The following FAF1 variants were observed in gnomAD, a reference collection of about 807,000 sequenced individuals.
FAF1 encodes Fas associated factor 1.
Under a neutral mutation model 92.5 loss-of-function variants are expected in FAF1, and 25 were observed. The observed-to-expected ratio is 0.27, with a 90% CI of 0.20 to 0.38. FAF1 has a LOEUF of 0.38. Among genes scored for constraint, FAF1 ranks in the 10% least tolerant of loss-of-function variants. FAF1 has a pLI of 1.00. For missense variants in FAF1, 636 were observed against 793.3 expected (o/e 0.80, Z 2.38); for synonymous variants, 234 against 273.2 (o/e 0.86, Z 1.42).
intron 1 of FAF1, among the ~76,000 whole-genome samples, chr1:50,866,625 T>C (rs1296465509): frequency 6.6e-6 from 1 of 151,974 alleles, no homozygotes; most frequent in Non-Finnish European, 1.5e-5. Flanking sequence ...ACCTTAGGAA[T>C]ATACTTAACC....
rs200308640 is a variant in FAF1 at position 50,883,140 on chromosome 1, C to CAAAT, written c.46-25147_46-25144dup. On this transcript the variant is annotated intron_variant, in intron 1 of 18. Coordinates refer to ENST00000396153, the MANE Select transcript of FAF1 (RefSeq NM_007051.3). ...CTATTTACGCACCTAGGATGCAATTCAAATGCCTAAGTGTCCAAAACAACA... is the reference window on the plus strand; with the variant it reads ...CTATTTACGCACCTAGGATGCAATTCAAATAAATGCCTAAGTGTCCAAAACAACA... 1.3e-3 allele frequency among the ~76,000 whole-genome samples: 198 copies of CAAAT among 152,116 alleles called. 3 individuals are homozygous for CAAAT. The East Asian group carries it at 0.033, about 25-fold the overall frequency.
chr1:50,662,499 G>A (rs1051016185), intron 7 of FAF1, among the ~76,000 whole-genome samples: 6 of 151,914 alleles, frequency 3.9e-5, no homozygotes, highest in Non-Finnish European at 8.8e-5. Context: ...AGTTGGAGAC[G>A]GATTTTGGCC....
chr1:50,707,784 T>A (rs971910459), intron 6 of FAF1, among the ~76,000 whole-genome samples: 4 of 152,144 alleles, frequency 2.6e-5, no homozygotes. Flanking sequence ...TACAGATATT[T>A]ATTGCATAAT....
chr1:50,815,516 G>A (rs1257109974), intron 2 of FAF1, among the ~76,000 whole-genome samples: 1 of 152,136 alleles, frequency 6.6e-6, no homozygotes, highest in Non-Finnish European at 1.5e-5. Flanking sequence ...ATACTGCTGT[G>A]ATGAACACAT....
chr1:50,523,932 G>A (rs770459140), intron 15 of FAF1, among the ~76,000 whole-genome samples: 2 of 152,158 alleles, frequency 1.3e-5, no homozygotes, highest in Non-Finnish European at 1.5e-5. Context: ...TGAGTCGAAT[G>A]GCATTTCTGC....
intron 11 of FAF1, 50 bp from the exon 12 acceptor site, chr1:50,582,749 C>T: frequency 8.7e-7 from 1 of 1,150,752 alleles, no homozygotes; most frequent in Admixed American, 1.7e-5. Context: ...AAATTCACTT[C>T]AGATTTCACA....
At chr1:50,624,133 C>T (rs1405225877) in intron 8 of FAF1, among the ~76,000 whole-genome samples, 1 of 152,086 alleles carries the variant, frequency 6.6e-6, no homozygotes, top group African/African-American at 2.4e-5. Context: ...ATGACTAGTC[C>T]TAGTCCAGAC....
intron 1 of FAF1, among the ~76,000 whole-genome samples, chr1:50,882,600 TTAAATAAA>T (rs60244087): frequency 0.26 from 35,879 of 140,330 alleles, 4,636 homozygotes; most frequent in African/African-American, 0.27. Flanking sequence ...AGACTCTGTC[TTAAATAAA>T]TAAATAAATA....
At position 50,485,268 on chromosome 1, in the gene FAF1, G is replaced by A. The variant is rs545101806; in HGVS notation, c.1653+5320C>T. 1.1e-3 allele frequency among the ~76,000 whole-genome samples: 166 copies of A among 151,806 alleles called. 1 individual carries two copies. Among genetic ancestry groups the A allele is most frequent in the Non-Finnish European group, 2.1e-3 (144 of 67,904 alleles). On this transcript the variant is annotated intron_variant, in intron 17 of 18. Coordinates refer to ENST00000396153, the MANE Select transcript of FAF1 (RefSeq NM_007051.3). ...GTGCCACTGTGTTTGGCCAAAAATA[G>A]GTTTTTAAATCCTGCTATAATCTTA...
chr1:50,944,570 G>A (rs960753082), intron 1 of FAF1, among the ~76,000 whole-genome samples: 1 of 152,116 alleles, frequency 6.6e-6, no homozygotes, highest in Non-Finnish European at 1.5e-5. Flanking sequence ...AGGCGCAAGA[G>A]GGTCAAGGGA....
At position 50,583,035 on chromosome 1, in the gene FAF1, C is replaced by A. The variant is rs185712682; in HGVS notation, c.1032-336G>T. Reference sequence around the variant, plus strand: ...TTAGCCTTATTTTCCCACTTCAGTTCATTTATTCCAGAATTCCAATAGAAG... The same window carrying A: ...TTAGCCTTATTTTCCCACTTCAGTTAATTTATTCCAGAATTCCAATAGAAG... On this transcript the variant is annotated intron_variant, in intron 11 of 18. Transcript: ENST00000396153. The surrounding 1 kb of genome is among the most constrained non-coding windows in gnomAD (Gnocchi z 4.2). Among the ~76,000 whole-genome samples the A allele has an allele frequency of 4.9e-4, 75 of 152,104 alleles. No homozygotes were observed. Among genetic ancestry groups the A allele is most frequent in the Admixed American group, 9.2e-4 (14 of 15,268 alleles).
chr1:50,908,953 C>T (rs1644861691), intron 1 of FAF1, among the ~76,000 whole-genome samples: 1 of 152,178 alleles, frequency 6.6e-6, no homozygotes, highest in African/African-American at 2.4e-5. Flanking sequence ...TTAGTTGATG[C>T]AGTTTCTTCC....
intron 7 of FAF1, among the ~76,000 whole-genome samples, chr1:50,683,975 A>AT (rs553765277): frequency 1.3e-3 from 200 of 152,154 alleles, no homozygotes; most frequent in African/African-American, 4.7e-3. Context: ...AAGACATTAC[A>AT]TTTTTTATTT....
intron 2 of FAF1, among the ~76,000 whole-genome samples, chr1:50,818,609 A>AT (rs1644000429): frequency 6.6e-6 from 1 of 152,246 alleles, no homozygotes; most frequent in Non-Finnish European, 1.5e-5. Flanking sequence ...AATGCCAGGT[A>AT]TAAGAGTGCA....
chr1:50,777,957 T>C (rs1661025662), intron 4 of FAF1, among the ~76,000 whole-genome samples: 2 of 152,128 alleles, frequency 1.3e-5, no homozygotes, highest in Non-Finnish European at 2.9e-5. Context: ...CAGCTCCACT[T>C]GAAGGTCAAA....
intron 13 of FAF1, among the ~76,000 whole-genome samples, chr1:50,551,581 G>A (rs1293561937): frequency 7.9e-5 from 12 of 152,228 alleles, no homozygotes; most frequent in Non-Finnish European, 1.5e-4. Context: ...ATACAGTAGC[G>A]ATGAATGGCA....
intron 1 of FAF1, among the ~76,000 whole-genome samples, chr1:50,956,173 T>A (rs1645265410): frequency 6.6e-6 from 1 of 152,198 alleles, no homozygotes; most frequent in Non-Finnish European, 1.5e-5. Context: ...ACCACAATTT[T>A]TTTTTCATTA....
intron 1 of FAF1, among the ~76,000 whole-genome samples, chr1:50,945,049 A>G (rs189019623): frequency 2.6e-5 from 4 of 152,338 alleles, no homozygotes; most frequent in East Asian, 3.9e-4. Flanking sequence ...CGTTGAGTCA[A>G]TTTTTGAAGA....
chr1:50,562,118 G>C (rs1649946240), intron 13 of FAF1, among the ~76,000 whole-genome samples: 1 of 152,154 alleles, frequency 6.6e-6, no homozygotes, highest in South Asian at 2.1e-4. Flanking sequence ...TGAATTTTAA[G>C]AAATTATTCT....
Sources: gnomAD v4.1 joint callset for allele counts (sites outside exome capture counted in the v4.1 genomes callset) on GRCh38, gnomAD v4.1.1 for gene constraint, Gnocchi (gnomAD v3.1) non-coding constraint, MANE v1.5 for transcripts, NCBI Gene and HGNC (gene_info 2026-07-23, HGNC 2026-07-21) for gene names.